SPAG16: variants seen among roughly 807,000 people sequenced by gnomAD.
SPAG16 encodes sperm-associated antigen 16 protein.
A neutral mutation model predicts 80.4 loss-of-function variants in SPAG16; 86 were observed. The observed-to-expected ratio is 1.07, with a 90% CI of 0.90 to 1.28. The LOEUF (loss-of-function observed/expected upper bound fraction) is 1.28, where lower values mean the gene tolerates loss of function less well. SPAG16 is among the 50% of genes most tolerant of loss of function. The pLI, the probability that SPAG16 is intolerant of heterozygous loss-of-function variation, is 0.00. For missense variants in SPAG16, 870 were observed against 765.3 expected (o/e 1.14, Z -1.61); for synonymous variants, 294 against 265.9 (o/e 1.11, Z -1.03).
At chr2:214,233,328 A>G (rs1296633866) in intron 15 of SPAG16, among the ~76,000 whole-genome samples, 1 of 149,170 alleles carries the variant, frequency 6.7e-6, no homozygotes, top group East Asian at 2.0e-4. Context: ...CCTAATTCTC[A>G]GTAAAAATAG....
intron 13 of SPAG16, among the ~76,000 whole-genome samples, chr2:214,075,533 G>A (rs142751370): frequency 7.6e-4 from 115 of 152,144 alleles, no homozygotes; most frequent in African/African-American, 2.6e-3. Context: ...CAACTTAAAC[G>A]CTTGTGATTT....
chr2:213,495,693 AG>A (rs1355384076), intron 10 of SPAG16, among the ~76,000 whole-genome samples: 3 of 152,200 alleles, frequency 2.0e-5, no homozygotes, highest in African/African-American at 7.2e-5. Context: ...GGATGAATTC[AG>A]TTTTAAAGAG....
intron 10 of SPAG16, among the ~76,000 whole-genome samples, chr2:213,545,957 T>C (rs1243802248): frequency 6.6e-6 from 1 of 152,124 alleles, no homozygotes; most frequent in Non-Finnish European, 1.5e-5. Context: ...GCAGAGGACT[T>C]GGGGGGAAGG....
chr2:214,314,736 G>A (rs2125984070), intron 15 of SPAG16, among the ~76,000 whole-genome samples: 1 of 122,356 alleles, frequency 8.2e-6, no homozygotes, highest in East Asian at 2.5e-4. Flanking sequence ...GTAATAAGTT[G>A]GAAATGTTTA....
At chr2:213,672,080 GAAT>G (rs1238542476) in intron 10 of SPAG16, among the ~76,000 whole-genome samples, 13 of 152,022 alleles carry the variant, frequency 8.6e-5, no homozygotes. Context: ...GCAATGTCGA[GAAT>G]TATTATGGAC....
At chr2:214,405,417 T>C (rs922741139) in intron 15 of SPAG16, among the ~76,000 whole-genome samples, 7 of 152,188 alleles carry the variant, frequency 4.6e-5, no homozygotes, top group African/African-American at 1.7e-4. Context: ...ATAAACCCAG[T>C]TGGCCCTAAA....
At chr2:213,995,953 C>A (rs1342035133) in intron 12 of SPAG16, among the ~76,000 whole-genome samples, 1 of 152,172 alleles carries the variant, frequency 6.6e-6, no homozygotes, top group African/African-American at 2.4e-5. Flanking sequence ...GGGAATCTAC[C>A]TCACTCTTTC....
At chr2:214,407,715 G>A (rs765781004) in intron 15 of SPAG16, among the ~76,000 whole-genome samples, 1 of 152,054 alleles carries the variant, frequency 6.6e-6, no homozygotes, top group Non-Finnish European at 1.5e-5. Context: ...TTTTCTTTCT[G>A]AGAGTACCTC....
chr2:213,634,273 C>A (rs1166555011), intron 10 of SPAG16, among the ~76,000 whole-genome samples: 1 of 152,114 alleles, frequency 6.6e-6, no homozygotes. Flanking sequence ...TTTGCATAAA[C>A]AAACAAACAA....
At chr2:214,208,848 T>C (rs1353013797) in intron 15 of SPAG16, among the ~76,000 whole-genome samples, 2 of 152,152 alleles carry the variant, frequency 1.3e-5, no homozygotes, top group Admixed American at 6.5e-5. Context: ...ATGGGGATTA[T>C]AATAGTACCT....
At chr2:214,340,393 T>C (rs1697589322) in intron 15 of SPAG16, among the ~76,000 whole-genome samples, 1 of 152,248 alleles carries the variant, frequency 6.6e-6, no homozygotes, top group Non-Finnish European at 1.5e-5. Flanking sequence ...GGGTTGCCAA[T>C]TTCTTTTTAG....
intron 9 of SPAG16, among the ~76,000 whole-genome samples, chr2:213,376,217 A>G (rs1328377222): frequency 6.6e-6 from 1 of 151,876 alleles, no homozygotes; most frequent in African/African-American, 2.4e-5. Context: ...GTCATCAGAA[A>G]CATTTTCATC....
chr2:214,117,204 A>G (rs529862415), intron 14 of SPAG16, among the ~76,000 whole-genome samples: 1 of 152,214 alleles, frequency 6.6e-6, no homozygotes, highest in Non-Finnish European at 1.5e-5. Context: ...GCTGAAAAAT[A>G]TAATGAATGA....
At chr2:214,394,447 A>G (rs1011794468) in intron 15 of SPAG16, among the ~76,000 whole-genome samples, 3 of 152,138 alleles carry the variant, frequency 2.0e-5, no homozygotes, top group Admixed American at 1.3e-4. Flanking sequence ...GAGTAAAAAA[A>G]CTTTAAAAAT....
At chr2:213,340,327 AT>A in intron 6 of SPAG16, 57 bp downstream of exon 6, 1 of 1,203,270 alleles carries the variant, frequency 8.3e-7, no homozygotes. Context: ...ATGTTAAGTA[AT>A]TTGATTATGA....
chr2:213,931,940 A>G (rs2078766495), intron 12 of SPAG16, among the ~76,000 whole-genome samples: 1 of 151,882 alleles, frequency 6.6e-6, no homozygotes, highest in African/African-American at 2.4e-5. Flanking sequence ...TATACCTTTC[A>G]GAGTCACAAT....
At chr2:213,737,758 G>C (rs2067358561) in intron 10 of SPAG16, among the ~76,000 whole-genome samples, 1 of 152,072 alleles carries the variant, frequency 6.6e-6, no homozygotes, top group Middle Eastern at 3.2e-3. Flanking sequence ...AAAGTGCTGG[G>C]ATTACAGGCG....
At chr2:213,567,813 C>T (rs1321228941) in intron 10 of SPAG16, among the ~76,000 whole-genome samples, 1 of 65,550 alleles carries the variant, frequency 1.5e-5, no homozygotes, top group Non-Finnish European at 2.6e-5. Flanking sequence ...GCCACACTGA[C>T]TTCCACAATC....
In SPAG16 at chr2:214,160,392, G is replaced by A. The variant is rs1480575374; in HGVS notation, c.1720+11126G>A. ...CTTATCCAAATTTGGTTGTAACAGTGGATCCTTCTGCTACTTGTGCTTATT... is the reference window on the plus strand; with the variant it reads ...CTTATCCAAATTTGGTTGTAACAGTAGATCCTTCTGCTACTTGTGCTTATT... On this transcript the variant is annotated intron_variant, in intron 15 of 15. Coordinates refer to ENST00000331683, the MANE Select transcript of SPAG16 (RefSeq NM_024532.5). Among the ~76,000 whole-genome samples, 12 of 151,730 alleles carry A rather than the reference G, an allele frequency of 7.9e-5. No individual in the cohort carries two copies. The South Asian group carries it at 2.3e-3, about 29-fold the overall frequency.
Sources: allele counts gnomAD v4.1 joint callset (sites outside exome capture counted in the v4.1 genomes callset), GRCh38; gene constraint gnomAD v4.1.1; transcripts MANE v1.5; gene names NCBI Gene and HGNC (gene_info 2026-07-23, HGNC 2026-07-21).